FAM222B: variants seen among roughly 807,000 people sequenced by gnomAD.
FAM222B encodes protein FAM222B.
In FAM222B, 12 loss-of-function variants were observed where a neutral mutation model predicts 38.0. The observed-to-expected ratio is 0.32, with a 90% CI of 0.20 to 0.51. The LOEUF (loss-of-function observed/expected upper bound fraction) is 0.51. FAM222B is among the 20% of genes least tolerant of loss of function. The probability of loss-of-function intolerance (pLI) is 0.97; values close to 1 mark genes in which losing one functional copy is unlikely to be tolerated. For synonymous variants in FAM222B, 329 were observed against 317.2 expected, an observed-to-expected ratio of 1.04 and a Z score of -0.40; for missense variants, 716 against 754.2, an observed-to-expected ratio of 0.95 and a Z score of 0.59.
At chr17:28,854,767 C>T (rs995765545) in intron 1 of FAM222B, among the ~76,000 whole-genome samples, 1 of 152,170 alleles carries the variant, frequency 6.6e-6, no homozygotes, top group African/African-American at 2.4e-5. Context: ...GCCAGAAGGG[C>T]CGTTTACAAA....
At chr17:28,768,242 TA>T (rs1306587442) in intron 1 of FAM222B, among the ~76,000 whole-genome samples, 1 of 152,152 alleles carries the variant, frequency 6.6e-6, no homozygotes, top group African/African-American at 2.4e-5. Flanking sequence ...GCTCAAAAGT[TA>T]AAGACGACAA....
chr17:28,769,747 C>T (rs1427144591), intron 1 of FAM222B, among the ~76,000 whole-genome samples: 3 of 152,254 alleles, frequency 2.0e-5, no homozygotes, highest in Non-Finnish European at 4.4e-5. Flanking sequence ...ACCCTGCCCT[C>T]TCTTGCTGAC....
intron 1 of FAM222B, among the ~76,000 whole-genome samples, chr17:28,798,868 C>T (rs1279739358): frequency 1.3e-5 from 2 of 152,092 alleles, no homozygotes; most frequent in African/African-American, 4.8e-5. Context: ...CCACCCGCCT[C>T]GGCCTCCCAA....
At chr17:28,761,062 G>A (rs2035049057) in intron 2 of FAM222B, among the ~76,000 whole-genome samples, 1 of 152,208 alleles carries the variant, frequency 6.6e-6, no homozygotes, top group South Asian at 2.1e-4. Context: ...TTTGGTCCAT[G>A]TCAGCTGTCA....
At chr17:28,846,000 G>A (rs1294063595), upstream of FAM222B, among the ~76,000 whole-genome samples, 1 of 150,448 alleles carries the variant, frequency 6.6e-6, no homozygotes, top group African/African-American at 2.4e-5. Context: ...TCAGGAGATC[G>A]AGACCATCCT....
chr17:28,822,864 T>TATATATATAC (rs890920362), intron 1 of FAM222B, among the ~76,000 whole-genome samples: 9 of 80,000 alleles, frequency 1.1e-4, no homozygotes, highest in African/African-American at 4.1e-4. Flanking sequence ...TATATATATA[T>TATATATATAC]ACACACATAT....
intron 1 of FAM222B, 100 bp downstream of exon 1, chr17:28,842,582 C>T (rs770793287): frequency 3.9e-5 from 6 of 152,468 alleles, no homozygotes; most frequent in Non-Finnish European, 8.8e-5. Context: ...CCACGCCCTT[C>T]CGTCTCCCAC....
chr17:28,762,937 CAAAAAA>C, intron 2 of FAM222B, among the ~76,000 whole-genome samples: 1 of 100,638 alleles, frequency 9.9e-6, no homozygotes, highest in African/African-American at 3.8e-5. Context: ...GACTCCGTCT[CAAAAAA>C]AAAAAAAAAA....
intron 1 of FAM222B, among the ~76,000 whole-genome samples, chr17:28,788,996 C>T (rs1301931545): frequency 6.7e-6 from 1 of 149,816 alleles, no homozygotes; most frequent in East Asian, 2.0e-4. Flanking sequence ...ATCTGCCTGC[C>T]TGCCTCGGCC....
At chr17:28,827,276 G>C (rs928463144) in intron 1 of FAM222B, among the ~76,000 whole-genome samples, 1 of 152,020 alleles carries the variant, frequency 6.6e-6, no homozygotes, top group African/African-American at 2.4e-5. Context: ...AGGATTGCTT[G>C]AGCCCAAGAC....
intron 1 of FAM222B, among the ~76,000 whole-genome samples, chr17:28,795,011 T>A (rs2036871162): frequency 6.6e-6 from 1 of 150,846 alleles, no homozygotes; most frequent in South Asian, 2.1e-4. Flanking sequence ...GAGAATCACG[T>A]GAACCAGGGA....
chr17:28,801,526 C>T (rs572186352), intron 1 of FAM222B, among the ~76,000 whole-genome samples: 1 of 150,672 alleles, frequency 6.6e-6, no homozygotes, highest in Non-Finnish European at 1.5e-5. Flanking sequence ...AGTATCTTTA[C>T]AGCTGCTAAA....
At chr17:28,846,372 A>AT (rs1272071518), upstream of FAM222B, among the ~76,000 whole-genome samples, 28 of 151,596 alleles carry the variant, frequency 1.8e-4, no homozygotes, top group African/African-American at 6.8e-4. Context: ...TCTCAAAAAA[A>AT]TTTTTTTAAT....
intron 1 of FAM222B, among the ~76,000 whole-genome samples, chr17:28,834,073 A>G (rs967322198): frequency 2.0e-5 from 3 of 152,108 alleles, no homozygotes; most frequent in African/African-American, 7.2e-5. Flanking sequence ...CTCCAATATA[A>G]AGTCAATGAG....
At chr17:28,775,948 C>A (rs1484432206) in intron 1 of FAM222B, among the ~76,000 whole-genome samples, 1 of 151,236 alleles carries the variant, frequency 6.6e-6, no homozygotes, top group Non-Finnish European at 1.5e-5. Context: ...TGGTGGTGTG[C>A]ACCTGTAATC....
chr17:28,790,888 T>TAA (rs1567838777), intron 1 of FAM222B, among the ~76,000 whole-genome samples: 1 of 78,996 alleles, frequency 1.3e-5, no homozygotes, highest in African/African-American at 4.6e-5. Flanking sequence ...GTTTCACTTT[T>TAA]TTTTTTTTTT....
chr17:28,766,897 T>A, intron 1 of FAM222B, 190 bp from the exon 2 acceptor site: 1 of 513,268 alleles, frequency 1.9e-6, no homozygotes, highest in Non-Finnish European at 3.5e-6. Flanking sequence ...ATCACTATGG[T>A]TAAAATGATT....
chr17:28,822,709 A>C (rs921683208), intron 1 of FAM222B, among the ~76,000 whole-genome samples: 2 of 147,476 alleles, frequency 1.4e-5, no homozygotes, highest in Non-Finnish European at 3.0e-5. Flanking sequence ...ACTGAGGCAG[A>C]GAGAACTGCT....
At chr17:28,810,286 C>T (rs760651782) in intron 1 of FAM222B, among the ~76,000 whole-genome samples, 7 of 152,094 alleles carry the variant, frequency 4.6e-5, no homozygotes, top group Non-Finnish European at 5.9e-5. Flanking sequence ...CATTGCACCC[C>T]GCCTTCCAAC....
Sources: gnomAD v4.1 joint callset for allele counts (sites outside exome capture counted in the v4.1 genomes callset) on GRCh38, gnomAD v4.1.1 for gene constraint, MANE v1.5 for transcripts, NCBI Gene and HGNC (gene_info 2026-07-23, HGNC 2026-07-21) for gene names.